ESYT2: variants seen among roughly 807,000 people sequenced by gnomAD.
The protein encoded by ESYT2 is extended synaptotagmin 2, also known as extended synaptotagmin-2.
A neutral mutation model predicts 107.2 loss-of-function variants in ESYT2; 54 were observed. That is an observed-to-expected ratio of 0.50 (90% CI 0.40 to 0.63). The LOEUF (loss-of-function observed/expected upper bound fraction) is 0.63, where lower values mean the gene tolerates loss of function less well. ESYT2 is among the 30% of genes least tolerant of loss of function. The probability of loss-of-function intolerance (pLI) is 0.00; values close to 1 mark genes in which losing one functional copy is unlikely to be tolerated. For missense variants in ESYT2, 1,020 were observed against 1,094.5 expected (o/e 0.93, Z 0.96); for synonymous variants, 491 against 434.1 (o/e 1.13, Z -1.63).
At chr7:158,759,693 T>C (rs1477697606) in intron 12 of ESYT2, 112 bp from the exon 13 acceptor site, 3 of 827,906 alleles carry the variant, frequency 3.6e-6, no homozygotes, top group Non-Finnish European at 5.6e-6. Flanking sequence ...TGAGAAACCA[T>C]CCAATCCATG....
chr7:158,741,580 TC>T lies in ESYT2; in HGVS notation c.2110del (p.Asp704ThrfsTer15), dbSNP rs1293593204. ...VKEPTPSIAS[D>X]ISLPIATQEL... ...CTGGGTGGCGATGGGCAGCGAGATG[TC>T]CGAGGCGATGCTGGGGGTCGGCTCC... On this transcript the variant is annotated frameshift_variant, in exon 18 of 23. Transcript: ENST00000275418. LOFTEE classifies it high-confidence loss of function. 6.2e-7 allele frequency: 1 copy of T among 1,609,136 alleles called. No homozygotes were observed. The highest frequency in any genetic ancestry group is 1.3e-5 in the African/African-American group (1 of 74,888).
intron 1 of ESYT2, 39 bp from the exon 2 acceptor site, chr7:158,799,111 A>C: frequency 6.4e-7 from 1 of 1,558,240 alleles, no homozygotes; most frequent in South Asian, 1.1e-5. Flanking sequence ...ATTAACTCCC[A>C]ACAACTGTAA....
chr7:158,794,938 T>C (rs1839416314), intron 3 of ESYT2, among the ~76,000 whole-genome samples: 1 of 152,196 alleles, frequency 6.6e-6, no homozygotes, highest in Non-Finnish European at 1.5e-5. Flanking sequence ...GCTTTTTCTT[T>C]ATGGTACTAG....
intron 8 of ESYT2, among the ~76,000 whole-genome samples, chr7:158,766,323 G>A (rs1838163410): frequency 6.6e-6 from 1 of 152,176 alleles, no homozygotes; most frequent in Non-Finnish European, 1.5e-5. Context: ...TCTATTGACA[G>A]CACCGGCTGT....
At chr7:158,797,008 G>A (rs141441428) in intron 3 of ESYT2, among the ~76,000 whole-genome samples, 1 of 3,852 alleles carries the variant, frequency 2.6e-4, no homozygotes, top group Non-Finnish European at 1.1e-3. Flanking sequence ...CCCGACAGAC[G>A]GGAAAGGGCA....
intron 3 of ESYT2, among the ~76,000 whole-genome samples, chr7:158,797,206 G>C (rs568118107): frequency 1.4e-4 from 21 of 152,310 alleles, no homozygotes; most frequent in Non-Finnish European, 1.6e-4. Flanking sequence ...GAATGCCGTA[G>C]TGTGATCATG....
intron 3 of ESYT2, among the ~76,000 whole-genome samples, chr7:158,797,442 A>T (rs1839497348): frequency 6.6e-6 from 1 of 152,124 alleles, no homozygotes; most frequent in Admixed American, 6.5e-5. Flanking sequence ...GAAGTTGTTT[A>T]AAAAACATAT....
At chr7:158,805,164 T>C (rs1839788698) in intron 1 of ESYT2, among the ~76,000 whole-genome samples, 1 of 152,150 alleles carries the variant, frequency 6.6e-6, no homozygotes, top group Non-Finnish European at 1.5e-5. Context: ...AAATATAATT[T>C]GGTACCAACA....
intron 1 of ESYT2, among the ~76,000 whole-genome samples, chr7:158,816,504 G>T (rs1840152150): frequency 6.6e-6 from 1 of 152,210 alleles, no homozygotes; most frequent in Non-Finnish European, 1.5e-5. Flanking sequence ...AGAAAAGCAG[G>T]AAAAGCTTCT....
intron 16 of ESYT2, chr7:158,744,235 A>G (rs1375044282): frequency 6.6e-6 from 1 of 152,302 alleles, no homozygotes; most frequent in East Asian, 1.9e-4. Context: ...GTTAACAAGC[A>G]AAAGATCTGC....
rs567041440 is a variant in ESYT2, at chr7:158,741,755, T to C, written c.1936A>G (p.Thr646Ala). Reference sequence around the variant, plus strand: ...CCAATGACTGGTGTGGATGGAGCTGTGTTGCTGCCACCAGGGCCTGGAGAC... The same window carrying C: ...CCAATGACTGGTGTGGATGGAGCTGCGTTGCTGCCACCAGGGCCTGGAGAC... The part of the protein sequence containing the change: ...SGSPGPGGSN[T>A]APSTPVIGGS... Residue 646 changes from threonine to alanine, a missense_variant, in exon 18 of 23, where the codon ACA (threonine) becomes GCA (alanine). Physicochemically the swap from Thr to Ala is moderately conservative, Grantham distance 58. Transcript: ENST00000275418. The C allele has an allele frequency of 6.2e-7, 1 of 1,614,088 alleles. No individual in the cohort carries two copies. Among genetic ancestry groups the C allele is most frequent in the Admixed American group, 1.7e-5 (1 of 60,012 alleles).
chr7:158,787,341 G>T (rs1028745261), intron 6 of ESYT2, among the ~76,000 whole-genome samples: 1 of 152,178 alleles, frequency 6.6e-6, no homozygotes, highest in African/African-American at 2.4e-5. Flanking sequence ...ACTCACTGGA[G>T]TCTAACGCAA....
intron 6 of ESYT2, among the ~76,000 whole-genome samples, chr7:158,783,178 G>A (rs1363378928): frequency 6.6e-6 from 1 of 152,170 alleles, no homozygotes; most frequent in Non-Finnish European, 1.5e-5. Context: ...GAAGCAGAAC[G>A]TGTACGGCAC....
chr7:158,829,319 GC>G lies in ESYT2; in HGVS notation c.99del (p.Leu36CysfsTer87). The G allele has an allele frequency of 6.7e-7, 1 of 1,492,922 alleles. No individual in the cohort carries two copies. Among genetic ancestry groups the G allele is most frequent in the Non-Finnish European group, 8.9e-7 (1 of 1,129,874 alleles). 92.5% of individuals were successfully genotyped at this position (1,492,922 alleles called of 1,614,324 possible). A position where few individuals can be genotyped will look rare whatever the true frequency, so the allele number is the denominator to read the frequency against. On this transcript the variant is annotated frameshift_variant, in exon 1 of 23. Coordinates refer to ENST00000275418, the MANE Select transcript of ESYT2 (RefSeq NM_001367773.1). LOFTEE classifies it high-confidence loss of function. The stretch of plus-strand genomic sequence containing the variant: ...CGCGCCAGCTGCGCCAGCAGCCCGG[GC>G]AGCTCCACGCTCAGCACGCCCCCGG... Reference protein sequence around the residue: ...ENPGGVLSVELPGLLAQLARS... With the variant: ...ENPGGVLSVEXPGLLAQLARS...
At chr7:158,772,392 G>T (rs1838404266) in intron 7 of ESYT2, among the ~76,000 whole-genome samples, 1 of 151,986 alleles carries the variant, frequency 6.6e-6, no homozygotes, top group Non-Finnish European at 1.5e-5. Context: ...CATTTCAGAG[G>T]CATAAACAAA....
At chr7:158,796,610 C>T (rs1047956769) in intron 3 of ESYT2, among the ~76,000 whole-genome samples, 41 of 152,162 alleles carry the variant, frequency 2.7e-4, no homozygotes, top group African/African-American at 9.9e-4. Flanking sequence ...CAGAAAGACA[C>T]GTGGTGGAGA....
chr7:158,787,565 C>A (rs938994784), intron 6 of ESYT2, among the ~76,000 whole-genome samples: 4 of 152,178 alleles, frequency 2.6e-5, no homozygotes, highest in African/African-American at 9.7e-5. Context: ...CTGTATCAGA[C>A]TAAACTGGAT....
chr7:158,749,376 C>T (rs1837512601), intron 15 of ESYT2, among the ~76,000 whole-genome samples: 1 of 152,174 alleles, frequency 6.6e-6, no homozygotes, highest in Non-Finnish European at 1.5e-5. Context: ...GCCTCGGCCT[C>T]CCAAATTGTG....
At chr7:158,817,176 TGA>T in intron 1 of ESYT2, among the ~76,000 whole-genome samples, 3 of 152,266 alleles carry the variant, frequency 2.0e-5, no homozygotes, top group East Asian at 3.9e-4. Flanking sequence ...CAGGCCACGA[TGA>T]GGGGGTGGGG....
Sources: gnomAD v4.1 joint callset for allele counts (sites outside exome capture counted in the v4.1 genomes callset) on GRCh38, gnomAD v4.1.1 for gene constraint, MANE v1.5 for transcripts, NCBI Gene and HGNC (gene_info 2026-07-23, HGNC 2026-07-21) for gene names.